The following CACNA2D2 variants were observed in gnomAD, a reference collection of about 807,000 sequenced individuals.
CACNA2D2 encodes the protein calcium voltage-gated channel auxiliary subunit alpha2delta 2.
CACNA2D2 carries 48 observed loss-of-function variants against 166.4 expected under a neutral mutation model. That is an observed-to-expected ratio of 0.29 (90% confidence interval 0.23 to 0.37). CACNA2D2 has a LOEUF of 0.37. CACNA2D2 is among the 10% of genes least tolerant of loss of function. The pLI, the probability that CACNA2D2 is intolerant of heterozygous loss-of-function variation, is 1.00. For synonymous variants in CACNA2D2, 561 were observed against 573.7 expected, an observed-to-expected ratio of 0.98 and a Z score of 0.32; for missense variants, 1,122 against 1,433.0, an observed-to-expected ratio of 0.78 and a Z score of 3.50.
intron 3 of CACNA2D2, chr3:50,419,662 A>G (rs1707453406): frequency 6.6e-6 from 1 of 152,172 alleles, no homozygotes; most frequent in African/African-American, 2.4e-5. Flanking sequence ...CACATGCTGT[A>G]GCCTTAAGTG....
chr3:50,370,394 G>C lies in CACNA2D2; in HGVS notation c.1985-14C>G, dbSNP rs769316124. The C allele has an allele frequency of 2.6e-6, 4 of 1,566,348 alleles. No individual in the cohort carries two copies. The South Asian group carries it at 3.5e-5, about 14-fold the overall frequency. On this transcript the variant is annotated splice_polypyrimidine_tract_variant and intron_variant, in intron 22 of 37. Transcript: ENST00000424201. ...GGAACTCAAAATCTGCAACAGAAACGGGGGGTTATCCGGCGGGGGCTGGGG... is the reference window on the plus strand; with the variant it reads ...GGAACTCAAAATCTGCAACAGAAACCGGGGGTTATCCGGCGGGGGCTGGGG...
At chr3:50,478,051 GA>G (rs879939640) in intron 1 of CACNA2D2, among the ~76,000 whole-genome samples, 195 of 145,852 alleles carry the variant, frequency 1.3e-3, no homozygotes, top group Middle Eastern at 3.6e-3. Context: ...GACCATGATG[GA>G]AAAAAAAAAA....
intron 3 of CACNA2D2, among the ~76,000 whole-genome samples, chr3:50,398,249 C>G (rs1404097790): frequency 6.6e-6 from 1 of 152,080 alleles, no homozygotes; most frequent in African/African-American, 2.4e-5. Flanking sequence ...CTTGCTTGGG[C>G]TCTGGGCTCT....
intron 1 of CACNA2D2, among the ~76,000 whole-genome samples, chr3:50,497,409 C>T (rs945896796): frequency 1.3e-5 from 2 of 152,252 alleles, no homozygotes; most frequent in African/African-American, 4.8e-5. Context: ...TGAATATTCT[C>T]CCCACCTAAT....
Position 50,502,380 on chromosome 3 carries a change from T to G in CACNA2D2, c.206+838A>C, listed in dbSNP as rs929759820. The stretch of plus-strand genomic sequence containing the variant: ...AAACTGATACGTCCTAAAGGCCACA[T>G]GCACTGAACATCCACTCCCAGCCCC... On this transcript the variant is annotated intron_variant, in intron 1 of 37. Transcript: ENST00000424201. Among the ~76,000 whole-genome samples the G allele has an allele frequency of 1.7e-4, 26 of 152,208 alleles. 1 individual carries two copies.
At chr3:50,485,108 T>C (rs561731040) in intron 1 of CACNA2D2, among the ~76,000 whole-genome samples, 31 of 152,336 alleles carry the variant, frequency 2.0e-4, no homozygotes, top group African/African-American at 6.7e-4. Context: ...AGCCACTTCT[T>C]CCAGGAAGCA....
intron 2 of CACNA2D2, among the ~76,000 whole-genome samples, chr3:50,447,151 G>A (rs1036637821): frequency 5.9e-5 from 9 of 152,366 alleles, no homozygotes; most frequent in East Asian, 5.8e-4. Flanking sequence ...TTCCGGGGGA[G>A]GGGATCCACT....
intron 1 of CACNA2D2, among the ~76,000 whole-genome samples, chr3:50,488,943 G>A (rs1274494276): frequency 2.0e-5 from 3 of 151,916 alleles, no homozygotes; most frequent in Non-Finnish European, 2.9e-5. Context: ...CTTGTGATCC[G>A]CCCACCTCAG....
rs376069522 is a variant in CACNA2D2, at chr3:50,427,466, C to A, written c.405+6847G>T. Among the ~76,000 whole-genome samples, 33 of 152,356 alleles carry A rather than the reference C, an allele frequency of 2.2e-4. No homozygotes were observed. Among genetic ancestry groups the A allele is most frequent in the African/African-American group, 7.9e-4 (33 of 41,586 alleles). On this transcript the variant is annotated intron_variant, in intron 3 of 37. Coordinates refer to ENST00000424201, the MANE Select transcript of CACNA2D2 (RefSeq NM_006030.4). The surrounding 1 kb of genome is among the most constrained non-coding windows in gnomAD (Gnocchi z 4.7). ...AATCAGGGAGAAAAGGCTGCTTGGG[C>A]GCTTGGCGCCCACGCGTGCGCCTAA...
At position 50,431,858 on chromosome 3, in the gene CACNA2D2, G is replaced by A. The variant is rs138330433; in HGVS notation, c.405+2455C>T. On this transcript the variant is annotated intron_variant, in intron 3 of 37. Coordinates refer to ENST00000424201, the MANE Select transcript of CACNA2D2 (RefSeq NM_006030.4). ...AAATTAGCTGGGCATGGTGGTGGGC[G>A]CCTGTAATCCCAGCTACTTGGGAGG... 8.5e-3 allele frequency among the ~76,000 whole-genome samples: 1,291 copies of A among 151,604 alleles called. 22 individuals carry two copies. Among genetic ancestry groups the A allele is most frequent in the African/African-American group, 0.03 (1,228 of 41,240 alleles).
intron 1 of CACNA2D2, among the ~76,000 whole-genome samples, chr3:50,489,470 G>A (rs570275665): frequency 1.3e-5 from 2 of 152,340 alleles, no homozygotes; most frequent in Admixed American, 6.5e-5. Context: ...GGAAGATGGG[G>A]CTATGGGGCG....
intron 6 of CACNA2D2, among the ~76,000 whole-genome samples, chr3:50,383,137 G>A (rs1705416754): frequency 6.6e-6 from 1 of 152,234 alleles, no homozygotes; most frequent in South Asian, 2.1e-4. Context: ...AGAGGGCGGT[G>A]TGGCTCCTGT....
chr3:50,450,498 G>A (rs892975989), intron 2 of CACNA2D2, among the ~76,000 whole-genome samples: 1 of 152,118 alleles, frequency 6.6e-6, no homozygotes, highest in Admixed American at 6.5e-5. Context: ...TCTGGAGCCC[G>A]CCCTGCACCC....
intron 3 of CACNA2D2, among the ~76,000 whole-genome samples, chr3:50,428,881 A>G (rs916131806): frequency 2.0e-5 from 3 of 152,180 alleles, no homozygotes; most frequent in Admixed American, 2.0e-4. Context: ...AGCACAGAGG[A>G]GGGCAGTGGC....
intron 1 of CACNA2D2, among the ~76,000 whole-genome samples, chr3:50,481,501 G>A (rs1698056397): frequency 6.6e-6 from 1 of 152,162 alleles, no homozygotes; most frequent in Admixed American, 6.5e-5. Flanking sequence ...GGGGTGGGCA[G>A]CAGGGGAAGC....
Position 50,370,336 on chromosome 3 carries a change from C to T in CACNA2D2, c.2029G>A (p.Val677Ile), listed in dbSNP as rs139307131. The change falls in exon 23 of 38, where the codon GTT becomes ATT. Residue 677 changes from valine to isoleucine, a missense_variant. Coordinates refer to ENST00000424201, the MANE Select transcript of CACNA2D2 (RefSeq NM_006030.4). ...LPSSFESEGH[V>I]FIAPREYCKD... The stretch of plus-strand genomic sequence containing the variant: ...GCAAGCTACCTGGGAGCAATGAAAA[C>T]GTGTCCTTCAGACTCAAAGCTGCTG... The T allele has an allele frequency of 1.0e-4, 166 of 1,587,176 alleles. 1 individual carries two copies. The highest frequency in any genetic ancestry group is 4.3e-5 in the Non-Finnish European group (50 of 1,167,746).
intron 22 of CACNA2D2, chr3:50,373,021 G>C: frequency 6.6e-7 from 1 of 1,507,244 alleles, no homozygotes; most frequent in Non-Finnish European, 8.9e-7. Flanking sequence ...GTGAGGATGG[G>C]AGGGGTGGGA....
Position 50,375,844 on chromosome 3 carries a change from T to C in CACNA2D2, c.1810A>G (p.Lys604Glu). 6.2e-7 allele frequency: 1 copy of C among 1,613,062 alleles called. No homozygotes were observed. Among genetic ancestry groups the C allele is most frequent in the South Asian group, 1.1e-5 (1 of 91,092 alleles). ...RSMIDGNKGH[K>E]QIRTLVKSLD... ...GACTTGACCAACGTTCTGATCTGCT[T>C]GTGGCCCTTGTTGCCATCAATCATG... The change falls in exon 20 of 38, where the codon AAG becomes GAG. Residue 604 changes from lysine to glutamate, a missense_variant. Around this residue, in one of 2 missense-constraint regions of CACNA2D2, gnomAD observed 840 missense variants for 1,166.8 expected, o/e 0.72. Transcript: ENST00000424201. The surrounding 1 kb of genome is among the most constrained non-coding windows in gnomAD (Gnocchi z 4.0).
intron 4 of CACNA2D2, among the ~76,000 whole-genome samples, chr3:50,389,672 G>C (rs905732227): frequency 1.3e-5 from 2 of 152,224 alleles, no homozygotes; most frequent in African/African-American, 4.8e-5. Context: ...TTCTCTATTT[G>C]TTCTGCTGTT....
Sources: gnomAD v4.1 joint callset for allele counts (sites outside exome capture counted in the v4.1 genomes callset) on GRCh38, gnomAD v4.1.1 for gene constraint, gnomAD v4.1.1 regional missense constraint, Gnocchi (gnomAD v3.1) non-coding constraint, MANE v1.5 for transcripts, NCBI Gene and HGNC (gene_info 2026-07-23, HGNC 2026-07-21) for gene names.